The following PAWR variants were observed in gnomAD, a reference collection of about 807,000 sequenced individuals.
PAWR encodes the protein PRKC apoptosis WT1 regulator protein.
PAWR carries 23 observed loss-of-function variants against 32.0 expected under a neutral mutation model. The ratio of observed to expected loss-of-function variants is 0.72; its 90% CI spans 0.52 to 1.02. PAWR has a LOEUF of 1.02. Ranked by LOEUF, PAWR falls within the 50% of genes least tolerant of loss-of-function variation. The probability of loss-of-function intolerance (pLI) is 0.00; values close to 1 mark genes in which losing one functional copy is unlikely to be tolerated. For synonymous variants in PAWR, 226 were observed against 187.1 expected (o/e 1.21, Z -1.70); for missense variants, 457 against 437.7 (o/e 1.04, Z -0.39).
At chr12:79,641,574 C>T (rs772341830) in intron 2 of PAWR, among the ~76,000 whole-genome samples, 15 of 152,006 alleles carry the variant, frequency 9.9e-5, no homozygotes, top group Non-Finnish European at 1.6e-4. Flanking sequence ...ATTGGCCAGG[C>T]GCGGTGGCTC....
chr12:79,610,019 C>T (rs1382857101), intron 4 of PAWR, among the ~76,000 whole-genome samples: 4 of 152,190 alleles, frequency 2.6e-5, no homozygotes, highest in East Asian at 1.9e-4. Context: ...CACCTGCTCA[C>T]CTGTGCTCCC....
intron 4 of PAWR, among the ~76,000 whole-genome samples, chr12:79,601,985 C>T (rs1873979989): frequency 6.6e-6 from 1 of 152,148 alleles, no homozygotes; most frequent in Non-Finnish European, 1.5e-5. Flanking sequence ...ATCTTATTTG[C>T]AGTTAAACAC....
At chr12:79,640,511 C>A (rs773606751) in intron 2 of PAWR, among the ~76,000 whole-genome samples, 1 of 152,134 alleles carries the variant, frequency 6.6e-6, no homozygotes, top group Non-Finnish European at 1.5e-5. Context: ...GAGGCCAAGG[C>A]AGGCAGATCC....
chr12:79,621,292 A>G, intron 2 of PAWR, 85 bp from the exon 3 acceptor site: 1 of 1,028,618 alleles, frequency 9.7e-7, no homozygotes, highest in Admixed American at 2.5e-5. Flanking sequence ...ATAGTATTAA[A>G]GAAATATTTG....
chr12:79,593,068 T>C lies in PAWR; in HGVS notation c.937-375A>G, dbSNP rs145392839. ...AAAAAAACTACCCATGCAAGCCATATATGGTATTGAGCCCTAGGTTGCAAC... is the reference window on the plus strand; with the variant it reads ...AAAAAAACTACCCATGCAAGCCATACATGGTATTGAGCCCTAGGTTGCAAC... On this transcript the variant is annotated intron_variant, in intron 6 of 6. Coordinates refer to ENST00000328827, the MANE Select transcript of PAWR (RefSeq NM_002583.4). Among the ~76,000 whole-genome samples, 338 of 151,958 alleles carry C rather than the reference T, an allele frequency of 2.2e-3. 1 individual carries two copies. Among genetic ancestry groups the C allele is most frequent in the Middle Eastern group, 6.8e-3 (2 of 294 alleles).
Position 79,690,292 on chromosome 12 carries a change from G to T in PAWR, c.-48C>A. 7.2e-7 allele frequency: 1 copy of T among 1,395,724 alleles called. No homozygotes were observed. Among genetic ancestry groups the T allele is most frequent in the Non-Finnish European group, 9.3e-7 (1 of 1,075,776 alleles). The allele number at this position is 1,395,724 out of a possible 1,614,324, so 86.5% of individuals were successfully genotyped here. On this transcript the variant is annotated 5_prime_UTR_variant, in exon 2 of 7. Coordinates refer to ENST00000328827, the MANE Select transcript of PAWR (RefSeq NM_002583.4). ...CTCTCACCTCAGGCCGCCCACCAGGGCTCCGGCCGCTGCCTCCTCTTCCTT... is the reference window on the plus strand; with the variant it reads ...CTCTCACCTCAGGCCGCCCACCAGGTCTCCGGCCGCTGCCTCCTCTTCCTT...
At chr12:79,596,467 T>A in intron 5 of PAWR, 44 bp downstream of exon 5, 1 of 936,326 alleles carries the variant, frequency 1.1e-6, no homozygotes, top group Non-Finnish European at 1.6e-6. Context: ...AGAATTCTAA[T>A]GGTATATTAA....
intron 2 of PAWR, among the ~76,000 whole-genome samples, chr12:79,653,725 C>T (rs1285196268): frequency 4.0e-5 from 6 of 151,058 alleles, no homozygotes; most frequent in South Asian, 2.1e-4. Context: ...GTGATCCGCC[C>T]GCCTCGGCCT....
At chr12:79,656,382 G>C (rs574925436) in intron 2 of PAWR, among the ~76,000 whole-genome samples, 76 of 152,310 alleles carry the variant, frequency 5.0e-4, no homozygotes, top group African/African-American at 1.6e-3. Context: ...AGAAGTAGAT[G>C]AATCTGAGCA....
intron 4 of PAWR, among the ~76,000 whole-genome samples, chr12:79,603,047 G>C (rs1020898116): frequency 2.0e-5 from 3 of 151,990 alleles, no homozygotes; most frequent in Admixed American, 6.6e-5. Context: ...TTCAAGACCA[G>C]TCTGGACAAC....
intron 4 of PAWR, chr12:79,603,654 G>T (rs1446795657): frequency 6.6e-6 from 1 of 150,532 alleles, no homozygotes; most frequent in East Asian, 2.0e-4. Context: ...TACATAAACG[G>T]CATCATTATG....
intron 2 of PAWR, among the ~76,000 whole-genome samples, chr12:79,626,008 C>CA (rs1160292059): frequency 8.1e-5 from 12 of 147,952 alleles, no homozygotes; most frequent in Non-Finnish European, 1.3e-4. Flanking sequence ...ACTAAAAATA[C>CA]AAAAAACTAG....
intron 2 of PAWR, among the ~76,000 whole-genome samples, chr12:79,653,756 G>C (rs1876967306): frequency 6.6e-6 from 1 of 152,232 alleles, no homozygotes; most frequent in Non-Finnish European, 1.5e-5. Flanking sequence ...TGGGATTACA[G>C]GCGTGAGCCA....
intron 2 of PAWR, among the ~76,000 whole-genome samples, chr12:79,685,781 T>C (rs1878653807): frequency 6.6e-6 from 1 of 152,190 alleles, no homozygotes; most frequent in Non-Finnish European, 1.5e-5. Flanking sequence ...TTTAAATTAC[T>C]TAAGATAATC....
rs181593094 is a variant in PAWR at position 79,623,294 on chromosome 12, T to C, written c.517-2087A>G. Reference sequence around the variant, plus strand: ...AAAACTTTCTCAAATCACTAGACAATATCTTGTTTAATGACAACATACCAG... The same window carrying C: ...AAAACTTTCTCAAATCACTAGACAACATCTTGTTTAATGACAACATACCAG... On this transcript the variant is annotated intron_variant, in intron 2 of 6. Transcript: ENST00000328827. Among the ~76,000 whole-genome samples, 14 of 152,196 alleles carry C rather than the reference T, an allele frequency of 9.2e-5. No individual in the cohort carries two copies. In the East Asian group the frequency reaches 1.2e-3, roughly 13 times the overall value.
intron 2 of PAWR, among the ~76,000 whole-genome samples, chr12:79,683,740 G>A (rs922154216): frequency 6.6e-6 from 1 of 151,540 alleles, no homozygotes; most frequent in Non-Finnish European, 1.5e-5. Flanking sequence ...TTAGGTTTTT[G>A]CAAAAGTAAT....
At chr12:79,627,557 G>A (rs1312123311) in intron 2 of PAWR, among the ~76,000 whole-genome samples, 2 of 151,972 alleles carry the variant, frequency 1.3e-5, no homozygotes, top group Non-Finnish European at 2.9e-5. Context: ...TCACTCTGAT[G>A]GTAGTTTCTT....
In PAWR at chr12:79,628,278, T is replaced by C. The variant is rs939809979; in HGVS notation, c.517-7071A>G. ...AACCAACGAGAACAAAGACACAACATACATTCAGAATCTCTGGGACACATT... is the reference window on the plus strand; with the variant it reads ...AACCAACGAGAACAAAGACACAACACACATTCAGAATCTCTGGGACACATT... On this transcript the variant is annotated intron_variant, in intron 2 of 6. Coordinates refer to ENST00000328827, the MANE Select transcript of PAWR (RefSeq NM_002583.4). Among the ~76,000 whole-genome samples, 4 of 152,132 alleles carry C rather than the reference T, an allele frequency of 2.6e-5. No homozygotes were observed. In the East Asian group the frequency reaches 5.8e-4, roughly 22 times the overall value.
chr12:79,596,382 C>T, intron 5 of PAWR, 129 bp downstream of exon 5: 1 of 554,872 alleles, frequency 1.8e-6, no homozygotes, highest in Non-Finnish European at 3.1e-6. Context: ...CTAAAGGTAA[C>T]AGTTGGCAGA....
Sources: allele counts gnomAD v4.1 joint callset (sites outside exome capture counted in the v4.1 genomes callset), GRCh38; gene constraint gnomAD v4.1.1; transcripts MANE v1.5; gene names NCBI Gene and HGNC (gene_info 2026-07-23, HGNC 2026-07-21).